The following CBX7 variants were observed in gnomAD, a reference collection of about 807,000 sequenced individuals.
CBX7 encodes chromobox 7.
A neutral mutation model predicts 31.4 loss-of-function variants in CBX7; 14 were observed. The ratio of observed to expected loss-of-function variants is 0.45; its 90% CI spans 0.29 to 0.70. The LOEUF (loss-of-function observed/expected upper bound fraction) is 0.70. Ranked by LOEUF, CBX7 falls within the 30% of genes least tolerant of loss-of-function variation. CBX7 has a pLI of 0.11. For synonymous variants in CBX7, 159 were observed against 152.6 expected (o/e 1.04, Z -0.31); for missense variants, 269 against 351.9 (o/e 0.76, Z 1.89).
Position 39,149,786 on chromosome 22 carries a change from T to C in CBX7, c.113+3A>G. The C allele has an allele frequency of 6.2e-7, 1 of 1,613,668 alleles. No individual in the cohort carries two copies. The highest frequency in any genetic ancestry group is 1.1e-5 in the South Asian group (1 of 91,064). Reference sequence around the variant, plus strand: ...ACAGACACACACACATGAAGGAGCTTACTTTGGGGGCCATCCTTTCCACTT... The same window carrying C: ...ACAGACACACACACATGAAGGAGCTCACTTTGGGGGCCATCCTTTCCACTT... On this transcript the variant is annotated splice_donor_region_variant and intron_variant, in intron 2 of 5. Transcript: ENST00000216133.
chr22:39,143,937 T>A (rs1250890661), intron 2 of CBX7, among the ~76,000 whole-genome samples: 5 of 152,238 alleles, frequency 3.3e-5, no homozygotes, highest in Non-Finnish European at 5.9e-5. Flanking sequence ...GACGTGTGAC[T>A]GTGTATAAAA....
chr22:39,138,070 A>G (rs1930316808), intron 4 of CBX7, among the ~76,000 whole-genome samples: 1 of 151,690 alleles, frequency 6.6e-6, no homozygotes, highest in Admixed American at 6.6e-5. Context: ...AGTCCCAGCT[A>G]CTGGGGAGGC....
chr22:39,134,340 G>A, intron 5 of CBX7, 61 bp downstream of exon 5: 13 of 1,371,894 alleles, frequency 9.5e-6, no homozygotes, highest in Non-Finnish European at 1.3e-5. Flanking sequence ...GAACCAGCTG[G>A]ACCTTATGAC....
chr22:39,146,811 G>C lies in CBX7; in HGVS notation c.113+2978C>G, dbSNP rs935635322. ...GGGCCACTCCTTCCAAAACGATGGAGAACCATTCACAAGTGGGGAAGAGAG... is the reference window on the plus strand; with the variant it reads ...GGGCCACTCCTTCCAAAACGATGGACAACCATTCACAAGTGGGGAAGAGAG... On this transcript the variant is annotated intron_variant, in intron 2 of 5. Coordinates refer to ENST00000216133, the MANE Select transcript of CBX7 (RefSeq NM_175709.5). 2.6e-5 allele frequency among the ~76,000 whole-genome samples: 4 copies of C among 152,164 alleles called. No homozygotes were observed. The East Asian group carries it at 7.7e-4, about 29-fold the overall frequency.
At chr22:39,142,911 T>C (rs1262572774) in intron 2 of CBX7, among the ~76,000 whole-genome samples, 1 of 152,098 alleles carries the variant, frequency 6.6e-6, no homozygotes, top group Non-Finnish European at 1.5e-5. Flanking sequence ...CCAATGTGTG[T>C]GTTTGTGTCT....
chr22:39,134,778 G>C, intron 4 of CBX7, 26 bp from the exon 5 acceptor site: 1 of 1,401,250 alleles, frequency 7.1e-7, no homozygotes, highest in Non-Finnish European at 9.5e-7. Flanking sequence ...AGGGCAGCGC[G>C]GGTCAGCCCC....
At chr22:39,141,520 G>T in intron 2 of CBX7, 84 bp from the exon 3 acceptor site, 11 of 1,153,794 alleles carry the variant, frequency 9.5e-6, no homozygotes, top group Non-Finnish European at 1.4e-5. Flanking sequence ...AGGCCGAGGC[G>T]GGCAAATCAC....
In CBX7 at chr22:39,133,999, G is replaced by A. The variant is rs781071289; in HGVS notation, c.648C>T (p.Pro216=). 3.1e-6 allele frequency: 5 copies of A among 1,612,756 alleles called. 1 individual carries two copies. Among genetic ancestry groups the A allele is most frequent in the African/African-American group, 2.7e-5 (2 of 74,890 alleles). The part of the protein sequence containing the change: ...EGPPPWTPAL[P]SSEVTVTDIT... Reference sequence around the variant, plus strand: ...TGTCGGTCACGGTCACCTCACTTGAGGGGAGCGCAGGTGTCCAGGGAGGGG... The same window carrying A: ...TGTCGGTCACGGTCACCTCACTTGAAGGGAGCGCAGGTGTCCAGGGAGGGG... The change falls in exon 6 of 6, where the codon CCC becomes CCT. Residue 216 remains proline, a synonymous_variant. Transcript: ENST00000216133.
rs376998810 is a variant in CBX7, at chr22:39,133,385, C to G, written c.*506G>C. On this transcript the variant is annotated 3_prime_UTR_variant, in exon 6 of 6. Transcript: ENST00000216133. ...GGGACTCGCCCCAAGTAACCTCAAC[C>G]CTTCCTCCTGCCCCTTCCTCCCGCC... is the stretch of plus-strand genomic sequence containing the variant. The G allele has an allele frequency of 1.7e-3, 253 of 152,504 alleles. No homozygotes were observed. Among genetic ancestry groups the G allele is most frequent in the Non-Finnish European group, 2.7e-3 (184 of 68,224 alleles). The allele number at this position is 152,504 out of a possible 1,614,324, so 9.4% of individuals were successfully genotyped here. A position where few individuals can be genotyped will look rare whatever the true frequency, so the allele number is the denominator to read the frequency against.
chr22:39,134,504 G>A lies in CBX7; in HGVS notation c.495C>T (p.Ser165=). The A allele has an allele frequency of 6.2e-7, 1 of 1,612,002 alleles. No homozygotes were observed. The highest frequency in any genetic ancestry group is 1.1e-5 in the South Asian group (1 of 91,028). ...GGAAGAGCTCCCGTCGATGGCTGTG[G>A]CTCTCCAGGTTGGGCCCGCGGGGCG... ...KFPPRGPNLE[S]HSHRRELFLQ... The change falls in exon 5 of 6, where the codon AGC becomes AGT. Residue 165 remains serine (S), a synonymous_variant. Coordinates refer to ENST00000216133, the MANE Select transcript of CBX7 (RefSeq NM_175709.5).
At chr22:39,151,450 A>C (rs1239697211) in intron 1 of CBX7, among the ~76,000 whole-genome samples, 1 of 152,174 alleles carries the variant, frequency 6.6e-6, no homozygotes, top group East Asian at 1.9e-4. Context: ...GGTGACCTTG[A>C]GCAGGTCACT....
In CBX7 at chr22:39,134,040, C is replaced by A; in HGVS notation, c.607G>T (p.Asp203Tyr). 1 of 1,599,850 alleles carries A rather than the reference C, an allele frequency of 6.3e-7. No homozygotes were observed. Among genetic ancestry groups the A allele is most frequent in the Non-Finnish European group, 8.5e-7 (1 of 1,171,188 alleles). ...CAGGGAGGGGGCCCCTCGGCCAGGT[C>A]GGCATCTGCTGCAGCGTCAGACACA... is the stretch of plus-strand genomic sequence containing the variant. ...AQPPEEEADA[D>Y]LAEGPPPWTP... The change falls in exon 6 of 6, where the codon GAC becomes TAC. Residue 203 changes from aspartate (D) to tyrosine (Y), a missense_variant. Asp to Tyr is a radical substitution (Grantham distance 160, BLOSUM62 -3). Around this residue, in one of 2 missense-constraint regions of CBX7, gnomAD observed 222 missense variants for 240.4 expected, o/e 0.92. Transcript: ENST00000216133.
At chr22:39,147,569 C>G (rs1214730277) in intron 2 of CBX7, 3 of 138,700 alleles carry the variant, frequency 2.2e-5, no homozygotes, top group African/African-American at 7.8e-5. Context: ...CCAAGCAGGG[C>G]CCCCGAGGAG....
intron 4 of CBX7, chr22:39,136,462 T>C (rs1170593874): frequency 6.6e-6 from 1 of 152,544 alleles, no homozygotes; most frequent in East Asian, 1.9e-4. Context: ...GGGAAGCTGG[T>C]GGCTGCACTG....
rs201341662 is a variant in CBX7, at chr22:39,134,421, G to A, written c.578C>T (p.Ala193Val). The change falls in exon 5 of 6, where the codon GCG becomes GTG. Residue 193 changes from alanine (A) to valine (V), a missense_variant. Physicochemically the swap from Ala to Val is moderately conservative, Grantham distance 64. Transcript: ENST00000216133. Reference sequence around the variant, plus strand: ...CTTACCCTCCTCTTCAGGGGGCTGCGCAGCAGGCTCCCACTCGCCAGCCGC... The same window carrying A: ...CTTACCCTCCTCTTCAGGGGGCTGCACAGCAGGCTCCCACTCGCCAGCCGC... ...LQAAGEWEPA[A>V]QPPEEEADAD... 96 of 1,601,104 alleles carry A rather than the reference G, an allele frequency of 6.0e-5. No homozygotes were observed. The East Asian group carries it at 9.6e-4, about 16-fold the overall frequency.
rs1003703124 is a variant in CBX7 at position 39,133,068 on chromosome 22, G to A, written c.*823C>T. On this transcript the variant is annotated 3_prime_UTR_variant, in exon 6 of 6. Coordinates refer to ENST00000216133, the MANE Select transcript of CBX7 (RefSeq NM_175709.5). ...TAGCAAGGTGCATGCAAGGTGGGGT[G>A]AGTGCAGGTGTGGTGGTGAGGTCTT... The A allele has an allele frequency of 1.7e-4, 26 of 152,288 alleles. No individual in the cohort carries two copies. Among genetic ancestry groups the A allele is most frequent in the African/African-American group, 6.3e-4 (26 of 41,434 alleles). 9.4% of individuals were successfully genotyped at this position (152,288 alleles called of 1,614,324 possible).
Position 39,152,265 on chromosome 22 carries a change from GC to G in CBX7, c.69+110del. On this transcript the variant is annotated intron_variant, in intron 1 of 5. Transcript: ENST00000216133. This position sits in a 1 kb window ranked among gnomAD's most constrained non-coding sequence, Gnocchi z 4.9. ...GAGACGGGCCCAGCAGCGCAGGGCT[GC>G]CGGGGCCCCCGCGCCCCGCTTTCCC... 1 of 528,120 alleles carries G rather than the reference GC, an allele frequency of 1.9e-6. No homozygotes were observed. 32.7% of individuals were successfully genotyped at this position (528,120 alleles called of 1,614,324 possible). A position where few individuals can be genotyped will look rare whatever the true frequency, so the allele number is the denominator to read the frequency against.
At chr22:39,143,069 C>T (rs560145552) in intron 2 of CBX7, among the ~76,000 whole-genome samples, 187 of 152,230 alleles carry the variant, frequency 1.2e-3, no homozygotes, top group African/African-American at 4.2e-3. Context: ...GCCTGGCCAA[C>T]GTGGAGAAAC....
rs143968276 is a variant in CBX7 at position 39,133,959 on chromosome 22, T to C, written c.688A>G (p.Ile230Val). ...VTVTDITANS[I>V]TVTFREAQAA... ...TGGGCCTCGCGGAAGGTGACGGTGA[T>C]GGAGTTGGCGGTGATGTCGGTCACG... is the stretch of plus-strand genomic sequence containing the variant. The change falls in exon 6 of 6, where the codon ATC (isoleucine) becomes GTC (valine). Residue 230 changes from isoleucine to valine, a missense_variant. Transcript: ENST00000216133. 78 of 1,613,896 alleles carry C rather than the reference T, an allele frequency of 4.8e-5. No individual in the cohort carries two copies. The African/African-American group carries it at 8.8e-4, about 18-fold the overall frequency.
Sources: gnomAD v4.1 joint callset for allele counts (sites outside exome capture counted in the v4.1 genomes callset) on GRCh38, gnomAD v4.1.1 for gene constraint, gnomAD v4.1.1 regional missense constraint, Gnocchi (gnomAD v3.1) non-coding constraint, MANE v1.5 for transcripts, NCBI Gene and HGNC (gene_info 2026-07-23, HGNC 2026-07-21) for gene names.